The following SLC24A2 variants were observed in gnomAD, a reference collection of about 807,000 sequenced individuals.
SLC24A2 encodes the protein solute carrier family 24 member 2.
In SLC24A2, 36 loss-of-function variants were observed where a neutral mutation model predicts 62.0. The ratio of observed to expected loss-of-function variants is 0.58; its 90% CI spans 0.44 to 0.77. The LOEUF (loss-of-function observed/expected upper bound fraction) is 0.77. Among genes scored for constraint, SLC24A2 ranks in the 30% least tolerant of loss-of-function variants. The pLI is 0.00. For missense variants in SLC24A2, 846 were observed against 817.9 expected, an observed-to-expected ratio of 1.03 and a Z score of -0.42; for synonymous variants, 358 against 294.0, an observed-to-expected ratio of 1.22 and a Z score of -2.23.
the SLC24A2 span, among the ~76,000 whole-genome samples, chr9:20,040,216 G>C: frequency 6.6e-6 from 1 of 152,102 alleles, no homozygotes. Context: ...TTTTGTTGTT[G>C]TTAGTGTTTA....
the SLC24A2 span, among the ~76,000 whole-genome samples, chr9:20,211,110 CA>C: frequency 2.6e-4 from 38 of 144,696 alleles, no homozygotes; most frequent in Non-Finnish European, 2.8e-4. Context: ...GAGCTAATGG[CA>C]AAAAAAAAAG....
the SLC24A2 span, among the ~76,000 whole-genome samples, chr9:19,855,653 G>A: frequency 1.3e-5 from 2 of 152,206 alleles, no homozygotes; most frequent in African/African-American, 4.8e-5. Context: ...TCTGCTGAGA[G>A]GTCTGCTGTT....
chr9:19,790,164 G>C (rs1259533799), upstream of SLC24A2, among the ~76,000 whole-genome samples: 1 of 151,528 alleles, frequency 6.6e-6, no homozygotes, highest in Non-Finnish European at 1.5e-5. Context: ...TTGAATTCCT[G>C]GGCTCTAGCC....
At chr9:20,141,784 A>T in the SLC24A2 span, among the ~76,000 whole-genome samples, 2 of 152,054 alleles carry the variant, frequency 1.3e-5, no homozygotes, top group African/African-American at 4.8e-5. Context: ...TAAAGATAAG[A>T]TTAAAATAAT....
At chr9:20,106,194 T>A in the SLC24A2 span, among the ~76,000 whole-genome samples, 1 of 152,104 alleles carries the variant, frequency 6.6e-6, no homozygotes, top group South Asian at 2.1e-4. Flanking sequence ...TCTGAAATTG[T>A]GGCAATAATC....
At chr9:19,734,121 A>G (rs1821424159) in intron 2 of SLC24A2, among the ~76,000 whole-genome samples, 1 of 152,186 alleles carries the variant, frequency 6.6e-6, no homozygotes, top group Non-Finnish European at 1.5e-5. Context: ...CAGTTTTCCC[A>G]GCACCATTTA....
intron 2 of SLC24A2, among the ~76,000 whole-genome samples, chr9:19,715,299 A>C (rs1329199741): frequency 2.6e-5 from 4 of 152,194 alleles, no homozygotes; most frequent in Non-Finnish European, 5.9e-5. Flanking sequence ...AAAATATCTC[A>C]GTTGATACAC....
chr9:20,032,278 C>G, the SLC24A2 span, among the ~76,000 whole-genome samples: 1 of 152,218 alleles, frequency 6.6e-6, no homozygotes, highest in Non-Finnish European at 1.5e-5. Flanking sequence ...CACGTCTTTT[C>G]ACTGTTTAAT....
the SLC24A2 span, among the ~76,000 whole-genome samples, chr9:20,022,274 G>C: frequency 1.3e-5 from 2 of 152,120 alleles, no homozygotes; most frequent in African/African-American, 4.8e-5. Context: ...ATTTATGAAT[G>C]ATAAAAATAC....
chr9:20,011,755 A>G, the SLC24A2 span, among the ~76,000 whole-genome samples: 1 of 152,196 alleles, frequency 6.6e-6, no homozygotes, highest in African/African-American at 2.4e-5. Flanking sequence ...ACCAAGACAC[A>G]TCATAAACAA....
chr9:19,944,556 TTAA>T, the SLC24A2 span, among the ~76,000 whole-genome samples: 10 of 152,244 alleles, frequency 6.6e-5, no homozygotes, highest in Non-Finnish European at 1.2e-4. Context: ...GAAATTTTAG[TTAA>T]TAATAGGATC....
At chr9:19,706,255 C>A (rs1587187599) in intron 2 of SLC24A2, among the ~76,000 whole-genome samples, 1 of 151,894 alleles carries the variant, frequency 6.6e-6, no homozygotes, top group East Asian at 1.9e-4. Flanking sequence ...AGGATTGCAA[C>A]CCCTGCCTTT....
At chr9:20,304,380 A>T in the SLC24A2 span, among the ~76,000 whole-genome samples, 7 of 152,206 alleles carry the variant, frequency 4.6e-5, no homozygotes, top group African/African-American at 1.4e-4. Flanking sequence ...GGTAAAGAAG[A>T]TATTTAGAAA....
chr9:20,172,736 C>T, the SLC24A2 span, among the ~76,000 whole-genome samples: 1 of 151,928 alleles, frequency 6.6e-6, no homozygotes, highest in Non-Finnish European at 1.5e-5. Context: ...AGTCCAGGAC[C>T]AGATGGACTC....
At chr9:20,256,712 A>T in the SLC24A2 span, among the ~76,000 whole-genome samples, 86 of 152,242 alleles carry the variant, frequency 5.6e-4, no homozygotes, top group Non-Finnish European at 8.7e-4. Flanking sequence ...CCGTGCATTC[A>T]GTGAGGGCTT....
chr9:19,974,588 G>A, the SLC24A2 span, among the ~76,000 whole-genome samples: 1 of 152,116 alleles, frequency 6.6e-6, no homozygotes, highest in Non-Finnish European at 1.5e-5. Context: ...GAAGACCAAA[G>A]CCTCTTTGAA....
intron 8 of SLC24A2, among the ~76,000 whole-genome samples, chr9:19,537,199 T>G (rs1291268962): frequency 4.1e-5 from 6 of 146,924 alleles, no homozygotes; most frequent in Non-Finnish European, 7.6e-5. Flanking sequence ...AGAAGCTCTT[T>G]AGTTTAATTA....
chr9:20,260,614 G>A, the SLC24A2 span, among the ~76,000 whole-genome samples: 10 of 152,008 alleles, frequency 6.6e-5, no homozygotes, highest in Non-Finnish European at 1.2e-4. Context: ...CACAGACTTC[G>A]TAATTTCCTT....
At chr9:19,853,595 T>C in the SLC24A2 span, among the ~76,000 whole-genome samples, 35 of 152,368 alleles carry the variant, frequency 2.3e-4, no homozygotes, top group South Asian at 7.2e-3. Flanking sequence ...GTTATGCTTA[T>C]GTGATAAATT....
Sources: allele counts gnomAD v4.1 joint callset (sites outside exome capture counted in the v4.1 genomes callset), GRCh38; gene constraint gnomAD v4.1.1; transcripts MANE v1.5; gene names NCBI Gene and HGNC (gene_info 2026-07-23, HGNC 2026-07-21).